Variants in NFIB observed in about 807,000 individuals in gnomAD.
NFIB encodes the protein nuclear factor I B.
NFIB carries 11 observed loss-of-function variants against 61.5 expected under a neutral mutation model. The ratio of observed to expected loss-of-function variants is 0.18; its 90% CI spans 0.11 to 0.30. The LOEUF (loss-of-function observed/expected upper bound fraction) is 0.30, where lower values mean the gene tolerates loss of function less well. NFIB is among the 10% of genes least tolerant of loss of function. The pLI is 1.00. For synonymous variants in NFIB, 260 were observed against 216.5 expected (o/e 1.20, Z -1.76); for missense variants, 471 against 608.9 (o/e 0.77, Z 2.38).
intron 7 of NFIB, among the ~76,000 whole-genome samples, chr9:14,123,899 T>C (rs528974168): frequency 6.6e-6 from 1 of 152,188 alleles, no homozygotes; most frequent in South Asian, 2.1e-4. Context: ...GCCCCTCTTC[T>C]TCCTAGTTTG....
chr9:14,439,356 C>T, the NFIB span, among the ~76,000 whole-genome samples: 3,023 of 152,186 alleles, frequency 0.02, 38 homozygotes, highest in Middle Eastern at 0.031. Context: ...GGTGACAGAA[C>T]GAGGCACAGG....
the NFIB span, among the ~76,000 whole-genome samples, chr9:14,423,520 G>T: frequency 6.6e-6 from 1 of 152,106 alleles, no homozygotes; most frequent in East Asian, 1.9e-4. Flanking sequence ...ATTTACACAG[G>T]ACAGAAGAAA....
intron 1 of NFIB, among the ~76,000 whole-genome samples, chr9:14,331,120 C>G (rs1019544467): frequency 2.6e-5 from 4 of 152,192 alleles, no homozygotes; most frequent in Non-Finnish European, 5.9e-5. Flanking sequence ...AAAGTACCAT[C>G]AAGACAAGTG....
At chr9:14,474,922 A>C in the NFIB span, among the ~76,000 whole-genome samples, 1 of 152,266 alleles carries the variant, frequency 6.6e-6, no homozygotes, top group South Asian at 2.1e-4. Context: ...GAGGGAATTC[A>C]CCCTTCACTC....
chr9:14,512,043 T>C, the NFIB span, among the ~76,000 whole-genome samples: 4 of 152,370 alleles, frequency 2.6e-5, no homozygotes, highest in African/African-American at 9.6e-5. Context: ...AGATTCTCAG[T>C]ACAATTTACA....
chr9:14,229,195 A>G (rs1356880977), intron 2 of NFIB, among the ~76,000 whole-genome samples: 1 of 152,206 alleles, frequency 6.6e-6, no homozygotes, highest in African/African-American at 2.4e-5. Context: ...CTAAAAGCTC[A>G]TCGGTAAGTT....
the NFIB span, among the ~76,000 whole-genome samples, chr9:14,416,182 C>CTAAATGGG: frequency 6.6e-6 from 1 of 152,170 alleles, no homozygotes; most frequent in Non-Finnish European, 1.5e-5. Flanking sequence ...AATGTCAAAC[C>CTAAATGGG]ACATATACCA....
At chr9:14,249,564 T>G (rs2055340576) in intron 2 of NFIB, among the ~76,000 whole-genome samples, 1 of 152,172 alleles carries the variant, frequency 6.6e-6, no homozygotes, top group African/African-American at 2.4e-5. Flanking sequence ...TCCCATTATC[T>G]TATAAACTTC....
chr9:14,342,126 C>T (rs542509787), intron 1 of NFIB, among the ~76,000 whole-genome samples: 1 of 152,248 alleles, frequency 6.6e-6, no homozygotes, highest in East Asian at 1.9e-4. Context: ...GCTCTCTGGG[C>T]CTGTGAAAAC....
At chr9:14,504,601 A>G in the NFIB span, among the ~76,000 whole-genome samples, 1 of 152,100 alleles carries the variant, frequency 6.6e-6, no homozygotes, top group African/African-American at 2.4e-5. Context: ...CTATTATTAA[A>G]GGGGTTAAGT....
the NFIB span, among the ~76,000 whole-genome samples, chr9:14,407,811 G>C: frequency 7.7e-3 from 1,169 of 152,198 alleles, 13 homozygotes; most frequent in African/African-American, 0.027. Context: ...TCAGCCTCCT[G>C]AGTAGCTGGG....
the NFIB span, among the ~76,000 whole-genome samples, chr9:14,501,537 T>G: frequency 3.9e-5 from 6 of 152,258 alleles, no homozygotes; most frequent in Non-Finnish European, 8.8e-5. Context: ...TTTCACAGGT[T>G]AATTGTGAAC....
the NFIB span, among the ~76,000 whole-genome samples, chr9:14,490,397 C>T: frequency 4.6e-5 from 7 of 151,820 alleles, no homozygotes; most frequent in South Asian, 2.1e-4. Context: ...TTTCTGATCT[C>T]GAAGTAGAAA....
At chr9:14,295,443 T>G (rs1923780) in intron 2 of NFIB, among the ~76,000 whole-genome samples, 2,364 of 151,762 alleles carry the variant, frequency 0.016, 22 homozygotes, top group Non-Finnish European at 0.025. Context: ...TGGCTAACAC[T>G]GTGAAACCCC....
In NFIB at chr9:14,088,172, A is replaced by G; in HGVS notation, c.*137T>C. On this transcript the variant is annotated 3_prime_UTR_variant, in exon 11 of 11. Transcript: ENST00000380953. Reference sequence around the variant, plus strand: ...TTTTATTTAAAAAAAAAATTTCTTAAACTATTGTTGTGTTTCTTTTTCCCT... The same window carrying G: ...TTTTATTTAAAAAAAAAATTTCTTAGACTATTGTTGTGTTTCTTTTTCCCT... The G allele has an allele frequency of 7.0e-7, 1 of 1,431,686 alleles. No homozygotes were observed. Among genetic ancestry groups the G allele is most frequent in the Non-Finnish European group, 9.2e-7 (1 of 1,081,754 alleles). 88.7% of individuals were successfully genotyped at this position (1,431,686 alleles called of 1,614,324 possible). A position where few individuals can be genotyped will look rare whatever the true frequency, so the allele number is the denominator to read the frequency against.
At chr9:14,096,517 A>T (rs2034814380) in intron 10 of NFIB, 1 of 152,188 alleles carries the variant, frequency 6.6e-6, no homozygotes, top group Admixed American at 6.5e-5. Flanking sequence ...GTCACACTGC[A>T]GATCCTGCTG....
chr9:14,187,917 T>C (rs2047556097), intron 2 of NFIB, among the ~76,000 whole-genome samples: 1 of 152,174 alleles, frequency 6.6e-6, no homozygotes, highest in Non-Finnish European at 1.5e-5. Flanking sequence ...ACCAGAGGGC[T>C]GTGGTACTTC....
chr9:14,336,322 C>A (rs2060885463), intron 1 of NFIB, among the ~76,000 whole-genome samples: 1 of 151,998 alleles, frequency 6.6e-6, no homozygotes, highest in Admixed American at 6.6e-5. Flanking sequence ...ATGTATGAGC[C>A]CTGAAGGGAG....
intron 1 of NFIB, among the ~76,000 whole-genome samples, chr9:14,328,922 A>G (rs2060786902): frequency 6.6e-6 from 1 of 152,232 alleles, no homozygotes; most frequent in African/African-American, 2.4e-5. Flanking sequence ...TATTTTGTTG[A>G]AAAATCTAGA....
Sources: gnomAD v4.1 joint callset for allele counts (sites outside exome capture counted in the v4.1 genomes callset) on GRCh38, gnomAD v4.1.1 for gene constraint, MANE v1.5 for transcripts, NCBI Gene and HGNC (gene_info 2026-07-23, HGNC 2026-07-21) for gene names.